Variants in DPP6 observed in about 807,000 individuals in gnomAD.
DPP6 encodes dipeptidyl peptidase like 6, also known as A-type potassium channel modulatory protein DPP6.
A neutral mutation model predicts 122.6 loss-of-function variants in DPP6; 69 were observed. That is an observed-to-expected ratio of 0.56 (90% confidence interval 0.46 to 0.69). DPP6 has a LOEUF of 0.69. Among genes scored for constraint, DPP6 ranks in the 30% least tolerant of loss-of-function variants. The probability of loss-of-function intolerance (pLI) is 0.00; values close to 1 mark genes in which losing one functional copy is unlikely to be tolerated. For missense variants in DPP6, 928 were observed against 1,116.9 expected (o/e 0.83, Z 2.41); for synonymous variants, 418 against 433.1 (o/e 0.97, Z 0.43).
chr7:154,548,948 A>C (rs995053722), intron 4 of DPP6, among the ~76,000 whole-genome samples: 1 of 152,138 alleles, frequency 6.6e-6, no homozygotes, highest in Non-Finnish European at 1.5e-5. Flanking sequence ...TAATAGGCAA[A>C]ATGAAAAGGG....
intron 1 of DPP6, among the ~76,000 whole-genome samples, chr7:154,265,197 T>C (rs1293117865): frequency 1.3e-5 from 2 of 152,098 alleles, no homozygotes; most frequent in African/African-American, 4.8e-5. Context: ...GTGATAGTGA[T>C]GATGGTGTTA....
chr7:154,393,196 G>A (rs1255523141), intron 1 of DPP6, among the ~76,000 whole-genome samples: 1 of 152,218 alleles, frequency 6.6e-6, no homozygotes, highest in Non-Finnish European at 1.5e-5. Context: ...GCTGAGGAAT[G>A]TAGATCATTT....
At chr7:154,277,235 A>AT (rs1804202167) in intron 1 of DPP6, among the ~76,000 whole-genome samples, 1 of 152,290 alleles carries the variant, frequency 6.6e-6, no homozygotes, top group African/African-American at 2.4e-5. Flanking sequence ...TTACACATAA[A>AT]TTTTAGGAGT....
At chr7:154,192,137 C>G (rs1486528281) in intron 1 of DPP6, among the ~76,000 whole-genome samples, 1 of 152,168 alleles carries the variant, frequency 6.6e-6, no homozygotes, top group Non-Finnish European at 1.5e-5. Flanking sequence ...CCTTTTAGTT[C>G]AAGATGCCTT....
chr7:154,560,680 C>G (rs934780558), intron 4 of DPP6, among the ~76,000 whole-genome samples: 1 of 152,072 alleles, frequency 6.6e-6, no homozygotes, highest in Admixed American at 6.5e-5. Flanking sequence ...GGTCAGAGTT[C>G]GAGACCAACC....
intron 1 of DPP6, among the ~76,000 whole-genome samples, chr7:154,005,431 C>A (rs1797871654): frequency 6.6e-6 from 1 of 151,630 alleles, no homozygotes; most frequent in Non-Finnish European, 1.5e-5. Context: ...TGTGGTCAGA[C>A]CCCGGGATTT....
chr7:154,623,049 A>G (rs1408579320), intron 5 of DPP6, among the ~76,000 whole-genome samples: 1 of 152,106 alleles, frequency 6.6e-6, no homozygotes, highest in Non-Finnish European at 1.5e-5. Context: ...ACCCGTCTGG[A>G]TTGTCTCCTA....
chr7:154,619,129 A>G (rs1393623026), intron 5 of DPP6, among the ~76,000 whole-genome samples: 2 of 152,156 alleles, frequency 1.3e-5, no homozygotes, highest in Non-Finnish European at 2.9e-5. Context: ...GCCATGTGGA[A>G]CTGTGACTCC....
intron 1 of DPP6, among the ~76,000 whole-genome samples, chr7:154,109,023 T>TG (rs1356745274): frequency 6.6e-6 from 1 of 152,224 alleles, no homozygotes; most frequent in Admixed American, 6.5e-5. Flanking sequence ...GCTTATGTCA[T>TG]GGGGGTTTGT....
the DPP6 span, among the ~76,000 whole-genome samples, chr7:153,855,869 A>G: frequency 1.3e-5 from 2 of 152,278 alleles, no homozygotes; most frequent in Non-Finnish European, 2.9e-5. Flanking sequence ...GTAACTTTTC[A>G]ACATTCCTGT....
At chr7:154,261,547 A>G (rs918160516) in intron 1 of DPP6, among the ~76,000 whole-genome samples, 2 of 152,258 alleles carry the variant, frequency 1.3e-5, no homozygotes, top group South Asian at 4.1e-4. Context: ...CTGGGACTTA[A>G]TTAAACTAAA....
chr7:153,766,747 A>T, the DPP6 span, among the ~76,000 whole-genome samples: 1 of 152,220 alleles, frequency 6.6e-6, no homozygotes, highest in Non-Finnish European at 1.5e-5. Flanking sequence ...GCTAGAATCA[A>T]ATAGTAACAG....
At chr7:153,794,989 CCTAGTCTTG>C in the DPP6 span, among the ~76,000 whole-genome samples, 1 of 152,146 alleles carries the variant, frequency 6.6e-6, no homozygotes, top group African/African-American at 2.4e-5. Context: ...TCCTTTTCTT[CCTAGTCTTG>C]GGTATGTCTT....
chr7:154,810,596 T>C (rs1222620490), intron 16 of DPP6, among the ~76,000 whole-genome samples: 16 of 152,162 alleles, frequency 1.1e-4, no homozygotes. Flanking sequence ...GATGACTCCA[T>C]AGTTGATACC....
chr7:154,386,777 CAT>C (rs1814150185), intron 1 of DPP6, among the ~76,000 whole-genome samples: 1 of 152,178 alleles, frequency 6.6e-6, no homozygotes, highest in Non-Finnish European at 1.5e-5. Context: ...TAGCTGGAGA[CAT>C]ATGCCATTTG....
intron 1 of DPP6, among the ~76,000 whole-genome samples, chr7:154,037,151 C>T (rs1413450808): frequency 6.6e-6 from 1 of 152,162 alleles, no homozygotes; most frequent in Non-Finnish European, 1.5e-5. Context: ...AGTAAGTACA[C>T]TATACAAGAG....
At chr7:154,836,944 C>T (rs751077542) in intron 16 of DPP6, among the ~76,000 whole-genome samples, 9 of 152,122 alleles carry the variant, frequency 5.9e-5, no homozygotes, top group South Asian at 2.1e-4. Context: ...TGACCTCAGG[C>T]GATCTGCCAG....
intron 1 of DPP6, among the ~76,000 whole-genome samples, chr7:154,375,852 A>G (rs1813083387): frequency 6.6e-6 from 1 of 152,172 alleles, no homozygotes; most frequent in Non-Finnish European, 1.5e-5. Context: ...GACGCCCGCC[A>G]ACTTTGTAAA....
intron 3 of DPP6, among the ~76,000 whole-genome samples, chr7:154,479,570 A>AAAAAAGAAAAG (rs572938567): frequency 4.9e-5 from 5 of 101,620 alleles, no homozygotes; most frequent in South Asian, 3.1e-4. Context: ...AAAAAAAAAA[A>AAAAAAGAAAAG]AAAAGAAAAG....
Sources: gnomAD v4.1 joint callset for allele counts (sites outside exome capture counted in the v4.1 genomes callset) on GRCh38, gnomAD v4.1.1 for gene constraint, MANE v1.5 for transcripts, NCBI Gene and HGNC (gene_info 2026-07-23, HGNC 2026-07-21) for gene names.